The following DAAM2 variants were observed in gnomAD, a reference collection of about 807,000 sequenced individuals.
The protein encoded by DAAM2 is disheveled-associated activator of morphogenesis 2.
DAAM2 carries 39 observed loss-of-function variants against 120.7 expected under a neutral mutation model. That is an observed-to-expected ratio of 0.32 (90% CI 0.25 to 0.42). DAAM2 has a LOEUF of 0.42. Ranked by LOEUF, DAAM2 falls within the 10% of genes least tolerant of loss-of-function variation. The pLI is 1.00. For missense variants in DAAM2, 1,283 were observed against 1,401.7 expected (o/e 0.92, Z 1.35); for synonymous variants, 488 against 524.9 (o/e 0.93, Z 0.96).
chr6:39,900,333 C>A, intron 23 of DAAM2, 125 bp downstream of exon 23: 5 of 1,107,892 alleles, frequency 4.5e-6, no homozygotes, highest in Admixed American at 2.7e-5. Flanking sequence ...GAGAGAAAAC[C>A]GTTTCTTCGC....
intron 1 of DAAM2, chr6:39,820,299 T>G (rs1762447171): frequency 6.6e-6 from 1 of 152,234 alleles, no homozygotes; most frequent in Non-Finnish European, 1.5e-5. Context: ...CTTCGCTGAA[T>G]TTTTCAGTTA....
At chr6:39,868,523 G>A (rs1348256911) in intron 6 of DAAM2, 2 of 377,858 alleles carry the variant, frequency 5.3e-6, no homozygotes, top group East Asian at 9.6e-5. Flanking sequence ...CATATGAGCT[G>A]TAAACAGCTG....
chr6:39,886,220 C>T (rs193033739), intron 15 of DAAM2: 12 of 393,048 alleles, frequency 3.1e-5, no homozygotes, highest in East Asian at 2.9e-4. Context: ...TTGGCTTCTC[C>T]GTGAGTGCAT....
chr6:39,869,753 C>CTTTT (rs531295826), intron 7 of DAAM2, among the ~76,000 whole-genome samples: 48 of 102,014 alleles, frequency 4.7e-4, no homozygotes, highest in African/African-American at 1.6e-3. Flanking sequence ...CGCCAGCATA[C>CTTTT]TTTTTTTTTT....
intron 1 of DAAM2, among the ~76,000 whole-genome samples, chr6:39,830,931 G>A (rs1197832628): frequency 6.6e-6 from 1 of 152,156 alleles, no homozygotes; most frequent in African/African-American, 2.4e-5. Flanking sequence ...GTCCTCTCAG[G>A]TCGACCATGT....
chr6:39,896,695 T>G, intron 19 of DAAM2, 117 bp from the exon 20 acceptor site: 1 of 816,936 alleles, frequency 1.2e-6, no homozygotes, highest in East Asian at 3.0e-5. Flanking sequence ...TCACTGAGAG[T>G]TGAAGGCATT....
At chr6:39,868,722 G>A in intron 6 of DAAM2, 101 bp from the exon 7 acceptor site, 1 of 808,350 alleles carries the variant, frequency 1.2e-6, no homozygotes, top group South Asian at 1.6e-5. Flanking sequence ...AGAGCAGATG[G>A]GGCATTCTAG....
In DAAM2 at chr6:39,830,986, A is replaced by G. The variant is rs115878251; in HGVS notation, c.-56-25261A>G. The stretch of plus-strand genomic sequence containing the variant: ...ATATTTACAAATGTTGCCTCATTTA[A>G]TCTTCACATCAACGTGAGGGTGTGG... On this transcript the variant is annotated intron_variant, in intron 1 of 24. Transcript: ENST00000274867. 9.5e-3 allele frequency among the ~76,000 whole-genome samples: 1,454 copies of G among 152,296 alleles called. 26 individuals carry two copies. Among genetic ancestry groups the G allele is most frequent in the African/African-American group, 0.032 (1,312 of 41,562 alleles).
At chr6:39,849,375 G>A (rs1459520860) in intron 1 of DAAM2, among the ~76,000 whole-genome samples, 5 of 152,078 alleles carry the variant, frequency 3.3e-5, no homozygotes, top group African/African-American at 7.2e-5. Context: ...CTGTAATACC[G>A]TCAACATTCA....
chr6:39,865,894 T>A (rs557198768), intron 5 of DAAM2, among the ~76,000 whole-genome samples: 1 of 152,390 alleles, frequency 6.6e-6, no homozygotes, highest in Admixed American at 6.5e-5. Flanking sequence ...ATGCATTGTA[T>A]GTGCATGGAA....
chr6:39,831,509 T>C (rs1762887490), intron 1 of DAAM2, among the ~76,000 whole-genome samples: 1 of 151,772 alleles, frequency 6.6e-6, no homozygotes, highest in African/African-American at 2.4e-5. Context: ...CACAGGGAGG[T>C]TAAGTAACTT....
In DAAM2 at chr6:39,900,345, C is replaced by G. The variant is rs1284492533; in HGVS notation, c.2811+137C>G. On this transcript the variant is annotated intron_variant, in intron 23 of 24. Transcript: ENST00000274867. ...TTTGAGAGAAAACCGTTTCTTCGCT[C>G]TTAACAAGACAAGCAATGATAACCA... 4.1e-6 allele frequency: 4 copies of G among 978,508 alleles called. No individual in the cohort carries two copies. The African/African-American group carries it at 6.6e-5, about 16-fold the overall frequency. 60.6% of individuals were successfully genotyped at this position (978,508 alleles called of 1,614,324 possible).
intron 1 of DAAM2, among the ~76,000 whole-genome samples, chr6:39,831,951 AGGGTAGGTGCACTGGGG>A (rs1199375308): frequency 2.4e-4 from 7 of 28,898 alleles, no homozygotes; most frequent in East Asian, 1.3e-3. Flanking sequence ...GGGGCACTGG[AGGGTAGGTGCACTGGGG>A]GGGTAGGTGC....
chr6:39,842,744 GTTTA>G lies in DAAM2; in HGVS notation c.-56-13498_-56-13495del, dbSNP rs1055359459. 4.6e-5 allele frequency among the ~76,000 whole-genome samples: 7 copies of G among 152,060 alleles called. No homozygotes were observed. In the East Asian group the frequency reaches 5.8e-4, roughly 13 times the overall value. ...AAACAGCAGACAAAAAGTGCTTTGA[GTTTA>G]TTTAGGAGAATGCAGGTAGGTTGGA... On this transcript the variant is annotated intron_variant, in intron 1 of 24. Coordinates refer to ENST00000274867, the MANE Select transcript of DAAM2 (RefSeq NM_001201427.2).
At chr6:39,841,412 T>TG (rs373316850) in intron 1 of DAAM2, among the ~76,000 whole-genome samples, 2 of 27,050 alleles carry the variant, frequency 7.4e-5, no homozygotes. Flanking sequence ...TGGGGAAAGG[T>TG]GGGGGAGGGC....
At chr6:39,823,977 C>T (rs975424136) in intron 1 of DAAM2, among the ~76,000 whole-genome samples, 1 of 152,094 alleles carries the variant, frequency 6.6e-6, no homozygotes, top group African/African-American at 2.4e-5. Flanking sequence ...GTTACTGTCC[C>T]TCAGCTGGGC....
intron 3 of DAAM2, 159 bp downstream of exon 3, chr6:39,861,176 C>T (rs776903456): frequency 2.8e-6 from 2 of 709,560 alleles, no homozygotes; most frequent in Non-Finnish European, 5.1e-6. Flanking sequence ...AAAGGAAATT[C>T]TGCTGTCCTG....
intron 1 of DAAM2, among the ~76,000 whole-genome samples, chr6:39,854,802 T>C (rs531297912): frequency 1.3e-5 from 2 of 152,180 alleles, no homozygotes; most frequent in South Asian, 4.1e-4. Context: ...GTTGACTTTA[T>C]AGAAAAGAGG....
intron 16 of DAAM2, chr6:39,887,851 C>T (rs1582743203): frequency 1.8e-5 from 8 of 452,572 alleles, no homozygotes; most frequent in Non-Finnish European, 3.3e-5. Context: ...GAGGGCCTCG[C>T]TTGGCTCAGG....
Sources: allele counts gnomAD v4.1 joint callset (sites outside exome capture counted in the v4.1 genomes callset), GRCh38; gene constraint gnomAD v4.1.1; transcripts MANE v1.5; gene names NCBI Gene and HGNC (gene_info 2026-07-23, HGNC 2026-07-21).